DOCK4: variants seen among roughly 807,000 people sequenced by gnomAD.
DOCK4 encodes dedicator of cytokinesis 4, also known as dedicator of cytokinesis protein 4.
Under a neutral mutation model 268.1 loss-of-function variants are expected in DOCK4, and 97 were observed. The observed-to-expected ratio is 0.36, with a 90% CI of 0.31 to 0.43. The LOEUF (loss-of-function observed/expected upper bound fraction) is 0.43, where lower values mean the gene tolerates loss of function less well. DOCK4 is among the 20% of genes least tolerant of loss of function. The probability of loss-of-function intolerance (pLI) is 1.00; values close to 1 mark genes in which losing one functional copy is unlikely to be tolerated. For missense variants in DOCK4, 2,145 were observed against 2,455.7 expected (o/e 0.87, Z 2.67); for synonymous variants, 954 against 887.2 (o/e 1.08, Z -1.34).
At chr7:112,083,916 A>C (rs1020090959) in intron 1 of DOCK4, among the ~76,000 whole-genome samples, 1 of 152,182 alleles carries the variant, frequency 6.6e-6, no homozygotes, top group Non-Finnish European at 1.5e-5. Flanking sequence ...TTAGTGATTG[A>C]CTTACTTTGA....
chr7:111,743,983 C>T (rs1796102359), intron 44 of DOCK4, among the ~76,000 whole-genome samples: 1 of 152,138 alleles, frequency 6.6e-6, no homozygotes, highest in East Asian at 1.9e-4. Context: ...CCACACCCAG[C>T]TAGTTTTTAG....
At chr7:111,766,682 A>T (rs1797778994) in intron 38 of DOCK4, among the ~76,000 whole-genome samples, 1 of 152,238 alleles carries the variant, frequency 6.6e-6, no homozygotes. Context: ...ACAGATTTGC[A>T]GATTATGGGA....
intron 2 of DOCK4, 71 bp downstream of exon 2, chr7:112,003,976 AG>A: frequency 8.6e-7 from 1 of 1,161,014 alleles, no homozygotes; most frequent in African/African-American, 1.6e-5. Context: ...AGAGATTAAT[AG>A]CGGTATGGAC....
intron 8 of DOCK4, among the ~76,000 whole-genome samples, chr7:111,974,113 A>G (rs942987727): frequency 6.6e-6 from 1 of 152,156 alleles, no homozygotes; most frequent in Non-Finnish European, 1.5e-5. Context: ...CATCAACTGC[A>G]GAGACAAGAG....
At chr7:111,872,167 T>C (rs1806484864) in intron 19 of DOCK4, 77 bp from the exon 20 acceptor site, 9 of 1,394,714 alleles carry the variant, frequency 6.5e-6, no homozygotes, top group Non-Finnish European at 8.7e-6. Flanking sequence ...CTTTTTAAAA[T>C]GAACTCTTAC....
At chr7:112,096,253 G>A (rs1230621449) in intron 1 of DOCK4, among the ~76,000 whole-genome samples, 3 of 152,016 alleles carry the variant, frequency 2.0e-5, no homozygotes, top group Non-Finnish European at 2.9e-5. Context: ...ATGGTTCACT[G>A]TAACCTTGAC....
chr7:111,736,457 G>A (rs1445542439), intron 50 of DOCK4, among the ~76,000 whole-genome samples: 2 of 152,178 alleles, frequency 1.3e-5, no homozygotes, highest in Admixed American at 1.3e-4. Flanking sequence ...GCACTGGATT[G>A]CAATTCTTAA....
intron 26 of DOCK4, among the ~76,000 whole-genome samples, chr7:111,824,243 C>T (rs539188289): frequency 1.3e-5 from 2 of 152,248 alleles, no homozygotes; most frequent in East Asian, 3.9e-4. Flanking sequence ...TAATGCATTT[C>T]TGAAACTTAT....
chr7:111,915,800 A>T lies in DOCK4; in HGVS notation c.1171T>A (p.Phe391Ile). ...CTACCAGGCATAATAATATTTGAAA[A>T]TCCCAGCTTCCTTGTTATGGATACT... ...HGVSITRKLG[F>I]SNIIMPGEMR... The change falls in exon 13 of 53, where the codon TTT (phenylalanine) becomes ATT (isoleucine). Residue 391 changes from phenylalanine (F) to isoleucine (I), a missense_variant. Phe to Ile is a conservative substitution (Grantham distance 21). Around this residue, in one of 2 missense-constraint regions of DOCK4, gnomAD observed 1,598 missense variants for 1,986.7 expected, o/e 0.80. Coordinates refer to ENST00000428084, the MANE Select transcript of DOCK4 (RefSeq NM_001363540.2). The T allele has an allele frequency of 6.2e-7, 1 of 1,613,296 alleles. No homozygotes were observed. The highest frequency in any genetic ancestry group is 1.7e-4 in the Middle Eastern group (1 of 6,060).
intron 1 of DOCK4, among the ~76,000 whole-genome samples, chr7:112,134,390 A>C (rs1814112418): frequency 6.6e-6 from 1 of 152,192 alleles, no homozygotes; most frequent in African/African-American, 2.4e-5. Flanking sequence ...AGGTATAAAA[A>C]GTGTTTTTAC....
At chr7:111,822,817 A>T (rs912768131) in intron 26 of DOCK4, among the ~76,000 whole-genome samples, 3 of 152,240 alleles carry the variant, frequency 2.0e-5, no homozygotes, top group Non-Finnish European at 4.4e-5. Context: ...GAACTTTTCA[A>T]TGCAGGAGAA....
intron 1 of DOCK4, among the ~76,000 whole-genome samples, chr7:112,043,237 T>TA (rs35235606): frequency 1.8e-3 from 264 of 144,678 alleles, no homozygotes; most frequent in South Asian, 1.7e-3. Context: ...ATCTCCTTTA[T>TA]AAAAAAAAAA....
chr7:111,988,876 G>T (rs769028888), intron 6 of DOCK4, 139 bp downstream of exon 6: 4 of 1,236,164 alleles, frequency 3.2e-6, no homozygotes, highest in Middle Eastern at 5.6e-4. Flanking sequence ...ATGCCAGTTC[G>T]CACTAAGCCT....
Position 111,735,178 on chromosome 7 carries a change from A to G in DOCK4, c.5306-11T>C. ...GGGTGGGGTTCACAGCTGGAAGGGA[A>G]TAACACAGCTAAAAACACACGGTCC... On this transcript the variant is annotated splice_polypyrimidine_tract_variant and intron_variant, in intron 50 of 52. Transcript: ENST00000428084. The G allele has an allele frequency of 6.5e-7, 1 of 1,545,244 alleles. No homozygotes were observed. Among genetic ancestry groups the G allele is most frequent in the Non-Finnish European group, 8.8e-7 (1 of 1,140,032 alleles).
intron 13 of DOCK4, among the ~76,000 whole-genome samples, chr7:111,911,944 T>C (rs1228223277): frequency 6.6e-6 from 1 of 152,128 alleles, no homozygotes. Context: ...GGCCACAGAA[T>C]AGCATGCCAC....
chr7:112,080,780 A>G (rs535648443), intron 1 of DOCK4, among the ~76,000 whole-genome samples: 1 of 152,340 alleles, frequency 6.6e-6, no homozygotes, highest in East Asian at 1.9e-4. Context: ...CAAAGAAAAC[A>G]TCTTATGTCA....
intron 11 of DOCK4, among the ~76,000 whole-genome samples, chr7:111,937,182 G>A (rs1794811188): frequency 6.6e-6 from 1 of 152,166 alleles, no homozygotes; most frequent in Non-Finnish European, 1.5e-5. Context: ...GCAGGCATTT[G>A]CTACTGTTCT....
Position 111,874,239 on chromosome 7 carries a change from T to A in DOCK4, c.1745-1675A>T, listed in dbSNP as rs530197432. On this transcript the variant is annotated intron_variant, in intron 17 of 52. Transcript: ENST00000428084. ...CCCATCCCAGCTCTCACTCCTCCTT[T>A]GTGTTCTCTTTCCCTTCCTTTAAAG... is the stretch of plus-strand genomic sequence containing the variant. Among the ~76,000 whole-genome samples the A allele has an allele frequency of 1.2e-4, 18 of 152,228 alleles. No individual in the cohort carries two copies. In the South Asian group the frequency reaches 3.7e-3, roughly 32 times the overall value.
At chr7:112,109,707 T>C (rs1811456142) in intron 1 of DOCK4, among the ~76,000 whole-genome samples, 1 of 152,022 alleles carries the variant, frequency 6.6e-6, no homozygotes, top group Admixed American at 6.6e-5. Flanking sequence ...CATTTCTATA[T>C]ATAGCACTAT....
Sources: gnomAD v4.1 joint callset for allele counts (sites outside exome capture counted in the v4.1 genomes callset) on GRCh38, gnomAD v4.1.1 for gene constraint, gnomAD v4.1.1 regional missense constraint, MANE v1.5 for transcripts, NCBI Gene and HGNC (gene_info 2026-07-23, HGNC 2026-07-21) for gene names.